Variants in SUSD6 observed in about 807,000 individuals in gnomAD.
The protein encoded by SUSD6 is sushi domain-containing protein 6.
Under a neutral mutation model 28.4 loss-of-function variants are expected in SUSD6, and 16 were observed. The ratio of observed to expected loss-of-function variants is 0.56; its 90% confidence interval spans 0.38 to 0.86. The LOEUF (loss-of-function observed/expected upper bound fraction) is 0.86. Among genes scored for constraint, SUSD6 ranks in the 40% least tolerant of loss-of-function variants. The pLI is 0.00. For synonymous variants in SUSD6, 147 were observed against 159.6 expected (o/e 0.92, Z 0.59); for missense variants, 341 against 384.2 (o/e 0.89, Z 0.94).
intron 1 of SUSD6, chr14:69,617,024 T>C (rs1221913878): frequency 1.3e-5 from 2 of 152,242 alleles, no homozygotes; most frequent in Non-Finnish European, 2.9e-5. Flanking sequence ...TTCATATAGA[T>C]GGAATCATAT....
Position 69,711,067 on chromosome 14 carries a change from C to T in SUSD6, c.*88C>T. The T allele has an allele frequency of 7.4e-7, 1 of 1,345,004 alleles. No individual in the cohort carries two copies. The highest frequency in any genetic ancestry group is 2.3e-5 in the East Asian group (1 of 43,474). 83.3% of individuals were successfully genotyped at this position (1,345,004 alleles called of 1,614,324 possible). Reference sequence around the variant, plus strand: ...GATTGAGCACCCTGTACTCTCCAGCCACCTTACCTGGATACCTGAGCTGCC... The same window carrying T: ...GATTGAGCACCCTGTACTCTCCAGCTACCTTACCTGGATACCTGAGCTGCC... On this transcript the variant is annotated 3_prime_UTR_variant, in exon 6 of 6. Transcript: ENST00000342745.
rs1019057814 is a variant in SUSD6 at position 69,711,041 on chromosome 14, G to A, written c.*62G>A. On this transcript the variant is annotated 3_prime_UTR_variant, in exon 6 of 6. Transcript: ENST00000342745. ...TCAGCCCTTCCTCCCTCTCCCTGTG[G>A]GATTGAGCACCCTGTACTCTCCAGC... The A allele has an allele frequency of 5.8e-6, 9 of 1,547,752 alleles. No homozygotes were observed. The highest frequency in any genetic ancestry group is 8.0e-6 in the Non-Finnish European group (9 of 1,119,782).
At chr14:69,703,639 T>G in intron 3 of SUSD6, 47 bp downstream of exon 3, 1 of 1,560,418 alleles carries the variant, frequency 6.4e-7, no homozygotes, top group East Asian at 2.2e-5. Context: ...TTCTGCTTTC[T>G]GTTAACTCAC....
intron 2 of SUSD6, among the ~76,000 whole-genome samples, chr14:69,676,260 C>T (rs78652102): frequency 2.9e-3 from 438 of 152,252 alleles, no homozygotes; most frequent in African/African-American, 0.01. Flanking sequence ...GTTTTGGTTC[C>T]TATATGACTA....
chr14:69,639,938 C>T (rs534481465), intron 1 of SUSD6, among the ~76,000 whole-genome samples: 2 of 144,700 alleles, frequency 1.4e-5, no homozygotes, highest in African/African-American at 5.2e-5. Flanking sequence ...AAGAGAGTCC[C>T]TCTGGGGCAC....
intron 1 of SUSD6, among the ~76,000 whole-genome samples, chr14:69,656,018 G>A (rs576925932): frequency 6.6e-6 from 1 of 151,942 alleles, no homozygotes; most frequent in Admixed American, 6.6e-5. Flanking sequence ...TCCAGCCTCT[G>A]CCAGGAGTAA....
At chr14:69,664,657 C>T (rs752766277) in intron 2 of SUSD6, among the ~76,000 whole-genome samples, 13 of 152,150 alleles carry the variant, frequency 8.5e-5, no homozygotes, top group Admixed American at 1.3e-4. Flanking sequence ...ACACATGGTA[C>T]CACCCTCGCA....
At chr14:69,674,048 A>C (rs1315049163) in intron 2 of SUSD6, among the ~76,000 whole-genome samples, 13 of 152,224 alleles carry the variant, frequency 8.5e-5, no homozygotes, top group Admixed American at 7.9e-4. Flanking sequence ...TGGCTCGCCA[A>C]AAGTGAAACT....
At chr14:69,690,827 G>T (rs1352969322) in intron 2 of SUSD6, among the ~76,000 whole-genome samples, 2 of 152,224 alleles carry the variant, frequency 1.3e-5, no homozygotes, top group Admixed American at 6.5e-5. Flanking sequence ...CCTGTGCACA[G>T]TGAGTACAGA....
Position 69,693,608 on chromosome 14 carries a change from G to A in SUSD6, c.122-9787G>A, listed in dbSNP as rs553069035. Among the ~76,000 whole-genome samples the A allele has an allele frequency of 4.6e-5, 7 of 152,278 alleles. No homozygotes were observed. In the East Asian group the frequency reaches 1.3e-3, roughly 29 times the overall value. The stretch of plus-strand genomic sequence containing the variant: ...CCCATTCCAAAAATCAGAGATAAGG[G>A]TTTAGTTTGCTACATGAAAATTTAT... On this transcript the variant is annotated intron_variant, in intron 2 of 5. Transcript: ENST00000342745.
At chr14:69,698,372 T>A (rs1355626128) in intron 2 of SUSD6, among the ~76,000 whole-genome samples, 2 of 152,156 alleles carry the variant, frequency 1.3e-5, no homozygotes, top group Non-Finnish European at 2.9e-5. Flanking sequence ...AATTTAAATG[T>A]AACCTTCTCC....
intron 2 of SUSD6, among the ~76,000 whole-genome samples, chr14:69,672,496 A>G (rs1410790536): frequency 2.0e-5 from 3 of 152,172 alleles, no homozygotes; most frequent in African/African-American, 7.2e-5. Context: ...AGAACAGGGA[A>G]GCAGAGAGGG....
At chr14:69,700,441 G>A (rs1374911679) in intron 2 of SUSD6, among the ~76,000 whole-genome samples, 4 of 152,160 alleles carry the variant, frequency 2.6e-5, no homozygotes, top group Middle Eastern at 3.4e-3. Flanking sequence ...CCTTTTCTTT[G>A]ACTATAATTA....
intron 1 of SUSD6, among the ~76,000 whole-genome samples, chr14:69,626,269 C>T (rs1409210011): frequency 1.3e-5 from 2 of 152,146 alleles, no homozygotes; most frequent in African/African-American, 4.8e-5. Context: ...TTATCCTTGC[C>T]CTTTCTGTTC....
At chr14:69,691,361 C>T (rs903585719) in intron 2 of SUSD6, among the ~76,000 whole-genome samples, 12 of 152,068 alleles carry the variant, frequency 7.9e-5, no homozygotes, top group African/African-American at 2.7e-4. Flanking sequence ...AAAACAACAG[C>T]GACAAAAAAC....
At chr14:69,652,422 C>T (rs1032393866) in intron 1 of SUSD6, among the ~76,000 whole-genome samples, 1 of 151,934 alleles carries the variant, frequency 6.6e-6, no homozygotes, top group African/African-American at 2.4e-5. Flanking sequence ...CACTGCACTC[C>T]AGCCTGGGCA....
intron 2 of SUSD6, among the ~76,000 whole-genome samples, chr14:69,689,909 G>A (rs540636486): frequency 1.3e-5 from 2 of 152,164 alleles, no homozygotes; most frequent in African/African-American, 2.4e-5. Context: ...CAAGTGATCC[G>A]CCTGTCTTGG....
At chr14:69,691,932 A>G (rs573422754) in intron 2 of SUSD6, among the ~76,000 whole-genome samples, 34 of 151,680 alleles carry the variant, frequency 2.2e-4, no homozygotes, top group Non-Finnish European at 4.1e-4. Flanking sequence ...CCAGCTACTC[A>G]GGAGGCTGAG....
intron 1 of SUSD6, among the ~76,000 whole-genome samples, chr14:69,622,327 G>A (rs1345436407): frequency 6.6e-6 from 1 of 152,042 alleles, no homozygotes; most frequent in Non-Finnish European, 1.5e-5. Context: ...ACCATGCCCG[G>A]CCAATTTTTT....
Sources: allele counts gnomAD v4.1 joint callset (sites outside exome capture counted in the v4.1 genomes callset), GRCh38; gene constraint gnomAD v4.1.1; transcripts MANE v1.5; gene names NCBI Gene and HGNC (gene_info 2026-07-23, HGNC 2026-07-21).